The following NRG3 variants were observed in gnomAD, a reference collection of about 807,000 sequenced individuals.
The protein encoded by NRG3 is pro-neuregulin-3, membrane-bound isoform.
NRG3 carries 31 observed loss-of-function variants against 66.9 expected under a neutral mutation model. That is an observed-to-expected ratio of 0.46 (90% CI 0.35 to 0.63). NRG3 has a LOEUF of 0.63. Among genes scored for constraint, NRG3 ranks in the 20% least tolerant of loss-of-function variants. The pLI, the probability that NRG3 is intolerant of heterozygous loss-of-function variation, is 0.00. For missense variants in NRG3, 910 were observed against 878.9 expected (o/e 1.04, Z -0.45); for synonymous variants, 393 against 359.4 (o/e 1.09, Z -1.06).
chr10:82,092,993 C>A (rs1219813470), intron 1 of NRG3, among the ~76,000 whole-genome samples: 1 of 152,100 alleles, frequency 6.6e-6, no homozygotes, highest in Admixed American at 6.6e-5. Flanking sequence ...GGTCTTCTGC[C>A]AGCATTCATG....
At chr10:82,282,467 G>A (rs1219698669) in intron 1 of NRG3, among the ~76,000 whole-genome samples, 2 of 151,924 alleles carry the variant, frequency 1.3e-5, no homozygotes, top group Non-Finnish European at 1.5e-5. Context: ...TAGGACTCAG[G>A]GCAGCAGGAC....
At chr10:82,241,330 T>C (rs1039336901) in intron 1 of NRG3, among the ~76,000 whole-genome samples, 13 of 152,136 alleles carry the variant, frequency 8.5e-5, no homozygotes, top group African/African-American at 3.1e-4. Context: ...AGAATCTAGC[T>C]GAATTACAAT....
intron 3 of NRG3, among the ~76,000 whole-genome samples, chr10:82,780,414 C>T (rs1435328864): frequency 2.0e-5 from 3 of 148,898 alleles, no homozygotes; most frequent in Non-Finnish European, 4.4e-5. Flanking sequence ...TGTTGAAGAA[C>T]TTTTGTTGAC....
Position 82,495,423 on chromosome 10 carries a change from A to AT in NRG3, c.953+136565dup, listed in dbSNP as rs113561467. On this transcript the variant is annotated intron_variant, in intron 2 of 8. Transcript: ENST00000372141. ...TCAGCAAACAGCTTTTTCCTACTTG[A>AT]TTTTTTTTTTGTCCCATATCCCTTT... is the stretch of plus-strand genomic sequence containing the variant. Among the ~76,000 whole-genome samples the AT allele has an allele frequency of 6.3e-3, 940 of 148,662 alleles. 6 individuals carry two copies. Among genetic ancestry groups the AT allele is most frequent in the African/African-American group, 0.021 (870 of 40,562 alleles).
chr10:82,973,358 T>C (rs1851942258), intron 6 of NRG3, among the ~76,000 whole-genome samples: 1 of 152,232 alleles, frequency 6.6e-6, no homozygotes, highest in Admixed American at 6.5e-5. Context: ...AACCAATGTC[T>C]TTCATCATTC....
intron 1 of NRG3, among the ~76,000 whole-genome samples, chr10:82,275,634 C>G (rs2078809493): frequency 6.6e-6 from 1 of 151,796 alleles, no homozygotes; most frequent in Non-Finnish European, 1.5e-5. Context: ...ATTCCCAATT[C>G]CAAATGATTT....
At chr10:82,223,212 G>A (rs2133797757) in intron 1 of NRG3, among the ~76,000 whole-genome samples, 1 of 152,258 alleles carries the variant, frequency 6.6e-6, no homozygotes, top group Non-Finnish European at 1.5e-5. Context: ...AGACGTGCCT[G>A]CAGCCAGCCC....
At chr10:82,215,072 T>C (rs9420908) in intron 1 of NRG3, among the ~76,000 whole-genome samples, 17,502 of 152,222 alleles carry the variant, frequency 0.11, 1,174 homozygotes, top group Middle Eastern at 0.18. Flanking sequence ...ATCTCTGACA[T>C]TCATCATTAC....
intron 1 of NRG3, among the ~76,000 whole-genome samples, chr10:82,272,206 T>A (rs2078632070): frequency 1.3e-5 from 2 of 152,080 alleles, no homozygotes; most frequent in South Asian, 4.2e-4. Context: ...ACCTGCATGA[T>A]GATAAAGGAT....
intron 1 of NRG3, among the ~76,000 whole-genome samples, chr10:82,027,509 G>T (rs10786827): frequency 0.39 from 58,751 of 151,966 alleles, 11,411 homozygotes; most frequent in African/African-American, 0.44. Context: ...AGAAACGATG[G>T]TTCTGTCAAA....
chr10:82,594,881 G>A (rs182375963), intron 2 of NRG3, among the ~76,000 whole-genome samples: 256 of 150,732 alleles, frequency 1.7e-3, no homozygotes, highest in African/African-American at 5.8e-3. Flanking sequence ...CATGGTCATC[G>A]CCTCTCAAAA....
intron 1 of NRG3, among the ~76,000 whole-genome samples, chr10:82,072,156 A>G (rs2064844762): frequency 6.6e-6 from 1 of 152,200 alleles, no homozygotes; most frequent in Non-Finnish European, 1.5e-5. Context: ...TTTGCATATG[A>G]TATAAAACTG....
intron 3 of NRG3, among the ~76,000 whole-genome samples, chr10:82,801,235 C>T (rs1329148164): frequency 6.6e-6 from 1 of 152,130 alleles, no homozygotes; most frequent in African/African-American, 2.4e-5. Context: ...ATCAGTCCAA[C>T]CACCATGTTT....
At chr10:81,972,715 A>T (rs978152603) in intron 1 of NRG3, among the ~76,000 whole-genome samples, 1 of 152,118 alleles carries the variant, frequency 6.6e-6, no homozygotes, top group Non-Finnish European at 1.5e-5. Context: ...TATAAGTGTA[A>T]TTGTAACTCT....
rs191472028 is a variant in NRG3 at position 81,986,773 on chromosome 10, C to G, written c.823+110610C>G. ...GTGGCATGATCATTGCCATCTTGAT[C>G]TACTGGGCTAAAGTGATCCTCCTGC... is the stretch of plus-strand genomic sequence containing the variant. On this transcript the variant is annotated intron_variant, in intron 1 of 8. Transcript: ENST00000372141. Among the ~76,000 whole-genome samples, 329 of 152,256 alleles carry G rather than the reference C, an allele frequency of 2.2e-3. 1 individual carries two copies. The highest frequency in any genetic ancestry group is 0.01 in the Middle Eastern group (3 of 294).
chr10:82,579,332 T>C (rs2046220486), intron 2 of NRG3, among the ~76,000 whole-genome samples: 1 of 151,738 alleles, frequency 6.6e-6, no homozygotes, highest in Non-Finnish European at 1.5e-5. Flanking sequence ...CATAGGGCAA[T>C]AGGTTGATTT....
chr10:81,951,578 C>A (rs1428570400), intron 1 of NRG3, among the ~76,000 whole-genome samples: 1 of 152,108 alleles, frequency 6.6e-6, no homozygotes. Flanking sequence ...TTATTTTATT[C>A]CTTTGCAAAC....
At chr10:82,711,997 A>T (rs1315843622) in intron 2 of NRG3, among the ~76,000 whole-genome samples, 2 of 152,204 alleles carry the variant, frequency 1.3e-5, no homozygotes, top group African/African-American at 4.8e-5. Flanking sequence ...CAAGAAAATG[A>T]TATGCCTCCA....
chr10:82,844,348 G>T (rs1015301140), intron 3 of NRG3, among the ~76,000 whole-genome samples: 3 of 152,146 alleles, frequency 2.0e-5, no homozygotes, highest in Non-Finnish European at 4.4e-5. Flanking sequence ...GAAGATGTTG[G>T]GAGTCAGAGT....
Sources: allele counts gnomAD v4.1 joint callset (sites outside exome capture counted in the v4.1 genomes callset), GRCh38; gene constraint gnomAD v4.1.1; transcripts MANE v1.5; gene names NCBI Gene and HGNC (gene_info 2026-07-23, HGNC 2026-07-21).